Variants in GABRA4 observed in about 807,000 individuals in gnomAD.
GABRA4 encodes gamma-aminobutyric acid type A receptor subunit alpha4, also known as gamma-aminobutyric acid receptor subunit alpha-4.
Under a neutral mutation model 49.7 loss-of-function variants are expected in GABRA4, and 12 were observed. The observed-to-expected ratio is 0.24, with a 90% CI of 0.15 to 0.39. The LOEUF (loss-of-function observed/expected upper bound fraction) is 0.39, where lower values mean the gene tolerates loss of function less well. Among genes scored for constraint, GABRA4 ranks in the 10% least tolerant of loss-of-function variants. GABRA4 has a pLI of 1.00. For synonymous variants in GABRA4, 288 were observed against 240.2 expected, an observed-to-expected ratio of 1.20 and a Z score of -1.84; for missense variants, 506 against 686.0, an observed-to-expected ratio of 0.74 and a Z score of 2.93.
chr4:46,968,279 T>C (rs1247597173), intron 7 of GABRA4, among the ~76,000 whole-genome samples: 1 of 151,578 alleles, frequency 6.6e-6, no homozygotes, highest in Non-Finnish European at 1.5e-5. Context: ...TGACACATCT[T>C]AGGTCTTTGA....
chr4:46,941,164 T>A (rs1455134754), intron 8 of GABRA4, among the ~76,000 whole-genome samples: 1 of 151,862 alleles, frequency 6.6e-6, no homozygotes, highest in Non-Finnish European at 1.5e-5. Context: ...GACCCAAATA[T>A]CTAGTAGGCA....
In GABRA4 at chr4:46,919,588, A is replaced by G. The variant is rs1226035139; in HGVS notation, c.*8637T>C. ...GTTTTTATGATATGAGGAAATATGC[A>G]TTATTGTTTTTTTACTTCTATAATA... On this transcript the variant is annotated 3_prime_UTR_variant, in exon 9 of 9. Transcript: ENST00000264318. 1.3e-5 allele frequency: 2 copies of G among 151,640 alleles called. No individual in the cohort carries two copies. The highest frequency in any genetic ancestry group is 3.0e-5 in the Non-Finnish European group (2 of 67,594). 9.4% of individuals were successfully genotyped at this position (151,640 alleles called of 1,614,324 possible). A position where few individuals can be genotyped will look rare whatever the true frequency, so the allele number is the denominator to read the frequency against.
rs1290786542 is a variant in GABRA4 at position 46,928,532 on chromosome 4, G to A, written c.1358C>T (p.Ser453Phe). Residue 453 changes from serine (S) to phenylalanine (F), a missense_variant, in exon 9 of 9, where the codon TCT (serine) becomes TTT (phenylalanine). By Grantham distance (155) the Ser-to-Phe change is radical. Around this residue, in one of 5 missense-constraint regions of GABRA4, gnomAD observed 243 missense variants for 210.8 expected, o/e 1.15. Coordinates refer to ENST00000264318, the MANE Select transcript of GABRA4 (RefSeq NM_000809.4). ...ETISAARALPSASPTSIRTGY... is the reference protein window; with the variant it reads ...ETISAARALPFASPTSIRTGY... ...AGTTCGGATAGAAGTAGGAGAAGCA[G>A]ATGGAAGTGCTCTTGCTGCAGATAT... 1.2e-6 allele frequency: 2 copies of A among 1,613,716 alleles called. No individual in the cohort carries two copies. The highest frequency in any genetic ancestry group is 1.7e-6 in the Non-Finnish European group (2 of 1,179,764).
intron 8 of GABRA4, among the ~76,000 whole-genome samples, chr4:46,933,275 A>G (rs984280262): frequency 2.6e-5 from 4 of 152,304 alleles, no homozygotes; most frequent in East Asian, 1.9e-4. Context: ...TGGATATCCT[A>G]TAGAATCAAG....
chr4:46,928,387 A>G lies in GABRA4; in HGVS notation c.1503T>C (p.Ala501=). 1 of 1,613,698 alleles carries G rather than the reference A, an allele frequency of 6.2e-7. No individual in the cohort carries two copies. The highest frequency in any genetic ancestry group is 1.3e-5 in the African/African-American group (1 of 75,026). The change falls in exon 9 of 9, where the codon GCT becomes GCC. Residue 501 remains alanine (A), a synonymous_variant. Coordinates refer to ENST00000264318, the MANE Select transcript of GABRA4 (RefSeq NM_000809.4). Reference sequence around the variant, plus strand: ...GTGGTGGAGCCGATGGAGGAGGAGTAGCTGACAACTTCCCAGTAGCCCCTA... The same window carrying G: ...GTGGTGGAGCCGATGGAGGAGGAGTGGCTGACAACTTCCCAGTAGCCCCTA... The part of the protein sequence containing the change: ...NTIGATGKLS[A]TPPPSAPPPS...
chr4:46,981,356 T>C (rs1446306956), intron 2 of GABRA4, among the ~76,000 whole-genome samples: 3 of 152,148 alleles, frequency 2.0e-5, no homozygotes, highest in African/African-American at 4.8e-5. Flanking sequence ...TCCATGATAA[T>C]AATGAACATT....
At chr4:46,988,527 A>G (rs953816487) in intron 2 of GABRA4, among the ~76,000 whole-genome samples, 18 of 152,236 alleles carry the variant, frequency 1.2e-4, no homozygotes, top group Non-Finnish European at 2.4e-4. Context: ...AGCACATGAC[A>G]CATTAACTTT....
intron 8 of GABRA4, among the ~76,000 whole-genome samples, chr4:46,934,838 G>A (rs1721555233): frequency 6.6e-6 from 1 of 152,144 alleles, no homozygotes. Context: ...CGCTTTGTTA[G>A]AGACTTCTTT....
chr4:46,991,843 A>G (rs1723757313), intron 2 of GABRA4, among the ~76,000 whole-genome samples: 1 of 152,244 alleles, frequency 6.6e-6, no homozygotes, highest in Admixed American at 6.5e-5. Context: ...TTAAATAAAT[A>G]CAATATTACT....
rs1483336401 is a variant in GABRA4, at chr4:46,927,691, G to A, written c.*534C>T. 1 of 152,288 alleles carries A rather than the reference G, an allele frequency of 6.6e-6. No individual in the cohort carries two copies. Among genetic ancestry groups the A allele is most frequent in the Non-Finnish European group, 1.5e-5 (1 of 68,082 alleles). The allele number at this position is 152,288 out of a possible 1,614,324, so 9.4% of individuals were successfully genotyped here. A position where few individuals can be genotyped will look rare whatever the true frequency, so the allele number is the denominator to read the frequency against. ...CTTTGTCTTAGTTTTTTATGCAGCA[G>A]ATATTTTACTCTATTGATCAGTGTT... On this transcript the variant is annotated 3_prime_UTR_variant, in exon 9 of 9. Transcript: ENST00000264318.
chr4:46,954,163 T>A (rs1722264021), intron 8 of GABRA4, among the ~76,000 whole-genome samples: 1 of 151,418 alleles, frequency 6.6e-6, no homozygotes, highest in African/African-American at 2.4e-5. Context: ...GAGGTGAGTA[T>A]AAAATAACCT....
chr4:46,989,960 G>A (rs1192909976), intron 2 of GABRA4, among the ~76,000 whole-genome samples: 1 of 152,082 alleles, frequency 6.6e-6, no homozygotes, highest in Non-Finnish European at 1.5e-5. Flanking sequence ...TGTTTTCAGT[G>A]GTACACATTT....
chr4:46,990,725 C>A (rs1723713841), intron 2 of GABRA4, among the ~76,000 whole-genome samples: 1 of 152,114 alleles, frequency 6.6e-6, no homozygotes, highest in South Asian at 2.1e-4. Flanking sequence ...TTCTCCACAA[C>A]ACTATTTTTG....
intron 8 of GABRA4, among the ~76,000 whole-genome samples, chr4:46,959,344 C>T (rs1275267750): frequency 6.6e-6 from 1 of 151,770 alleles, no homozygotes; most frequent in Non-Finnish European, 1.5e-5. Context: ...AGATCTAAGT[C>T]ATTACACATA....
chr4:46,984,539 C>T (rs1332282939), intron 2 of GABRA4, among the ~76,000 whole-genome samples: 1 of 151,814 alleles, frequency 6.6e-6, no homozygotes, highest in Non-Finnish European at 1.5e-5. Flanking sequence ...TCCATCAATC[C>T]TGGTCTACTT....
chr4:46,956,891 A>G (rs1168944748), intron 8 of GABRA4, among the ~76,000 whole-genome samples: 1 of 152,114 alleles, frequency 6.6e-6, no homozygotes, highest in Non-Finnish European at 1.5e-5. Flanking sequence ...TGTATGGGAA[A>G]ATAAGTGTGC....
intron 2 of GABRA4, among the ~76,000 whole-genome samples, chr4:46,991,205 T>C (rs1350464213): frequency 6.6e-6 from 1 of 151,880 alleles, no homozygotes; most frequent in Non-Finnish European, 1.5e-5. Flanking sequence ...AAAAGAAATA[T>C]ACAAATGCTG....
At chr4:46,991,299 T>A (rs1350932675) in intron 2 of GABRA4, among the ~76,000 whole-genome samples, 1 of 152,194 alleles carries the variant, frequency 6.6e-6, no homozygotes, top group Admixed American at 6.5e-5. Flanking sequence ...CCTGATCTCA[T>A]CCTATCATTG....
intron 8 of GABRA4, among the ~76,000 whole-genome samples, chr4:46,946,720 T>G (rs1244031262): frequency 6.6e-6 from 1 of 152,126 alleles, no homozygotes; most frequent in Non-Finnish European, 1.5e-5. Flanking sequence ...CAAATATCTG[T>G]TGAATGAATA....
Sources: gnomAD v4.1 joint callset for allele counts (sites outside exome capture counted in the v4.1 genomes callset) on GRCh38, gnomAD v4.1.1 for gene constraint, gnomAD v4.1.1 regional missense constraint, MANE v1.5 for transcripts, NCBI Gene and HGNC (gene_info 2026-07-23, HGNC 2026-07-21) for gene names.